Variants in GALNT18 observed in about 807,000 individuals in gnomAD.
GALNT18 encodes GalNAc-transferase 18.
In GALNT18, 44 loss-of-function variants were observed where a neutral mutation model predicts 69.5. That is an observed-to-expected ratio of 0.63 (90% CI 0.50 to 0.81). The LOEUF (loss-of-function observed/expected upper bound fraction) is 0.81, where lower values mean the gene tolerates loss of function less well. GALNT18 is among the 40% of genes least tolerant of loss of function. GALNT18 has a pLI of 0.00. For synonymous variants in GALNT18, 364 were observed against 318.2 expected (o/e 1.14, Z -1.53); for missense variants, 715 against 810.0 (o/e 0.88, Z 1.42).
intron 1 of GALNT18, among the ~76,000 whole-genome samples, chr11:11,575,147 T>C (rs1858891496): frequency 1.3e-5 from 2 of 152,090 alleles, no homozygotes; most frequent in South Asian, 4.2e-4. Context: ...TGGCAGGGTA[T>C]GGGGCAGTGG....
chr11:11,326,076 G>A (rs1421918535), intron 9 of GALNT18, among the ~76,000 whole-genome samples: 4 of 124,902 alleles, frequency 3.2e-5, no homozygotes, highest in Non-Finnish European at 4.7e-5. Flanking sequence ...ACGGAATCTC[G>A]CTCTGTCGCC....
intron 9 of GALNT18, among the ~76,000 whole-genome samples, chr11:11,297,568 G>A (rs1365400158): frequency 1.3e-5 from 2 of 152,130 alleles, no homozygotes; most frequent in African/African-American, 4.8e-5. Context: ...GCCGGGAGAG[G>A]ACTTCCACTG....
chr11:11,492,285 T>C lies in GALNT18; in HGVS notation c.236-43349A>G, dbSNP rs887984673. Among the ~76,000 whole-genome samples, 3 of 152,208 alleles carry C rather than the reference T, an allele frequency of 2.0e-5. No individual in the cohort carries two copies. In the South Asian group the frequency reaches 6.2e-4, roughly 32 times the overall value. On this transcript the variant is annotated intron_variant, in intron 1 of 10. Transcript: ENST00000227756. ...TGAGGAGACACCAGGTGCTGCCCTC[T>C]GGGTCACTTTTCTACTCATTGTGGC...
chr11:11,303,330 C>A (rs925507701), intron 9 of GALNT18, among the ~76,000 whole-genome samples: 1 of 152,174 alleles, frequency 6.6e-6, no homozygotes, highest in Non-Finnish European at 1.5e-5. Flanking sequence ...AGCAGCCCCC[C>A]ACTGCTAACC....
At chr11:11,373,583 A>G (rs780450544) in intron 5 of GALNT18, among the ~76,000 whole-genome samples, 2 of 152,206 alleles carry the variant, frequency 1.3e-5, no homozygotes, top group Non-Finnish European at 2.9e-5. Context: ...GCTTAGGTAC[A>G]TGGCCTGGGT....
Position 11,314,451 on chromosome 11 carries a change from T to C in GALNT18, c.1512+12635A>G, listed in dbSNP as rs1342708625. On this transcript the variant is annotated intron_variant, in intron 9 of 10. Transcript: ENST00000227756. The surrounding 1 kb of genome is among the most constrained non-coding windows in gnomAD (Gnocchi z 5.2). ...TCACCATCACTTGGTGCACAGAAGG[T>C]TAACACTGCAGCACTAACATCTGTG... 6.6e-6 allele frequency among the ~76,000 whole-genome samples: 1 copy of C among 151,970 alleles called. No individual in the cohort carries two copies. Among genetic ancestry groups the C allele is most frequent in the Non-Finnish European group, 1.5e-5 (1 of 67,982 alleles).
chr11:11,571,852 A>G (rs1858800370), intron 1 of GALNT18, among the ~76,000 whole-genome samples: 1 of 152,214 alleles, frequency 6.6e-6, no homozygotes, highest in Admixed American at 6.5e-5. Flanking sequence ...TGACGACAGT[A>G]TCTGCCTGGC....
intron 9 of GALNT18, among the ~76,000 whole-genome samples, chr11:11,307,383 T>A (rs2133024363): frequency 6.6e-6 from 1 of 152,340 alleles, no homozygotes; most frequent in South Asian, 2.1e-4. Context: ...TCACACTATA[T>A]GTCAGGGATG....
intron 6 of GALNT18, chr11:11,352,335 T>C (rs778326549): frequency 5.6e-6 from 9 of 1,614,128 alleles, no homozygotes; most frequent in Non-Finnish European, 7.6e-6. Flanking sequence ...TAATTCAATG[T>C]TGTATTTGTC....
intron 10 of GALNT18, among the ~76,000 whole-genome samples, chr11:11,280,903 C>T (rs1379259417): frequency 6.6e-6 from 1 of 152,190 alleles, no homozygotes; most frequent in Non-Finnish European, 1.5e-5. Flanking sequence ...GGCCCAGAGG[C>T]ATCCCCTGTG....
intron 3 of GALNT18, among the ~76,000 whole-genome samples, chr11:11,424,803 C>T (rs914010192): frequency 5.3e-5 from 8 of 152,232 alleles, no homozygotes; most frequent in South Asian, 4.1e-4. Flanking sequence ...GTGGTAGTAA[C>T]GCTGACTTTG....
At chr11:11,553,973 T>C (rs1247210784) in intron 1 of GALNT18, among the ~76,000 whole-genome samples, 1 of 152,208 alleles carries the variant, frequency 6.6e-6, no homozygotes, top group Non-Finnish European at 1.5e-5. Context: ...TCCGTAATTA[T>C]ACATTGATTA....
At chr11:11,353,230 C>T in intron 6 of GALNT18, 2 of 1,376,842 alleles carry the variant, frequency 1.5e-6, no homozygotes, top group African/African-American at 2.9e-5. Flanking sequence ...TTTCTTCACA[C>T]TGTGGTGGAA....
intron 1 of GALNT18, among the ~76,000 whole-genome samples, chr11:11,482,137 AC>A (rs1275191497): frequency 6.6e-6 from 1 of 152,208 alleles, no homozygotes; most frequent in African/African-American, 2.4e-5. Context: ...CAGCTCCTGG[AC>A]TGCATGGAGC....
In GALNT18 at chr11:11,396,957, T is replaced by C. The variant is rs1396440077; in HGVS notation, c.596-17693A>G. On this transcript the variant is annotated intron_variant, in intron 3 of 10. Transcript: ENST00000227756. This position sits in a 1 kb window ranked among gnomAD's most constrained non-coding sequence, Gnocchi z 5.2. Reference sequence around the variant, plus strand: ...ATGCCATAGTTCTCTCCCCTGTGCATCTTGGGGGTCTCTGGGAGTCAGAGG... The same window carrying C: ...ATGCCATAGTTCTCTCCCCTGTGCACCTTGGGGGTCTCTGGGAGTCAGAGG... Among the ~76,000 whole-genome samples, 1 of 152,122 alleles carries C rather than the reference T, an allele frequency of 6.6e-6. No homozygotes were observed. The highest frequency in any genetic ancestry group is 2.4e-5 in the African/African-American group (1 of 41,424).
chr11:11,379,389 G>T, intron 3 of GALNT18, 125 bp from the exon 4 acceptor site: 1 of 907,144 alleles, frequency 1.1e-6, no homozygotes, highest in Non-Finnish European at 1.7e-6. Context: ...CCCCTCCCTG[G>T]GTCTTCTTCA....
At position 11,463,217 on chromosome 11, in the gene GALNT18, C is replaced by T. The variant is rs908733525; in HGVS notation, c.236-14281G>A. Among the ~76,000 whole-genome samples the T allele has an allele frequency of 4.0e-5, 6 of 149,414 alleles. No individual in the cohort carries two copies. Among genetic ancestry groups the T allele is most frequent in the Admixed American group, 1.3e-4 (2 of 15,064 alleles). ...ACTCAGACAGACAGACAGACACACA[C>T]ACACACACAGAGAGAGAGAGAGAGA... On this transcript the variant is annotated intron_variant, in intron 1 of 10. Transcript: ENST00000227756. The surrounding 1 kb of genome is among the most constrained non-coding windows in gnomAD (Gnocchi z 4.2).
chr11:11,591,430 T>C lies in GALNT18; in HGVS notation c.235+29929A>G, dbSNP rs578091078. On this transcript the variant is annotated intron_variant, in intron 1 of 10. Transcript: ENST00000227756. This position sits in a 1 kb window ranked among gnomAD's most constrained non-coding sequence, Gnocchi z 4.8. ...GTTGACTTTACTGGATGAGCCTCACTGCGTTCCTTCTCATCCATGTTTCTC... is the reference window on the plus strand; with the variant it reads ...GTTGACTTTACTGGATGAGCCTCACCGCGTTCCTTCTCATCCATGTTTCTC... Among the ~76,000 whole-genome samples, 10 of 152,294 alleles carry C rather than the reference T, an allele frequency of 6.6e-5. No homozygotes were observed. The highest frequency in any genetic ancestry group is 1.2e-4 in the Non-Finnish European group (8 of 68,016).
At chr11:11,536,217 G>C (rs1260362066) in intron 1 of GALNT18, among the ~76,000 whole-genome samples, 1 of 152,172 alleles carries the variant, frequency 6.6e-6, no homozygotes, top group Non-Finnish European at 1.5e-5. Context: ...CATTTATTGA[G>C]CTCCAGGCAC....
Sources: allele counts gnomAD v4.1 joint callset (sites outside exome capture counted in the v4.1 genomes callset), GRCh38; gene constraint gnomAD v4.1.1; non-coding constraint Gnocchi (gnomAD v3.1); transcripts MANE v1.5; gene names NCBI Gene and HGNC (gene_info 2026-07-23, HGNC 2026-07-21).